Variants in EHD4 observed in about 807,000 individuals in gnomAD.
EHD4 encodes EH domain containing 4.
A neutral mutation model predicts 51.0 loss-of-function variants in EHD4; 37 were observed. That is an observed-to-expected ratio of 0.73 (90% CI 0.56 to 0.95). The LOEUF (loss-of-function observed/expected upper bound fraction) is 0.95, where lower values mean the gene tolerates loss of function less well. Among genes scored for constraint, EHD4 ranks in the 40% least tolerant of loss-of-function variants. EHD4 has a pLI of 0.00. For missense variants in EHD4, 632 were observed against 733.1 expected, an observed-to-expected ratio of 0.86 and a Z score of 1.59; for synonymous variants, 297 against 317.3, an observed-to-expected ratio of 0.94 and a Z score of 0.68.
intron 1 of EHD4, among the ~76,000 whole-genome samples, chr15:41,964,062 G>A (rs1410141082): frequency 6.8e-6 from 1 of 146,850 alleles, no homozygotes; most frequent in African/African-American, 2.5e-5. Context: ...GGAGAATGGC[G>A]TGAACCTGGG....
intron 5 of EHD4, 68 bp from the exon 6 acceptor site, chr15:41,901,249 T>C: frequency 6.8e-7 from 1 of 1,478,168 alleles, no homozygotes; most frequent in Non-Finnish European, 9.0e-7. Context: ...TGGGGGCCAC[T>C]GGAGGGAGAC....
At position 41,909,679 on chromosome 15, in the gene EHD4, T is replaced by C; in HGVS notation, c.1089+20A>G. 1 of 1,613,608 alleles carries C rather than the reference T, an allele frequency of 6.2e-7. No homozygotes were observed. The highest frequency in any genetic ancestry group is 1.7e-5 in the Admixed American group (1 of 60,022). On this transcript the variant is annotated intron_variant, in intron 5 of 5. Transcript: ENST00000220325. ...GCACCTCTGCCCTCTGCCCGTGACA[T>C]TGTAGTGGGCTCCCAGTACCTGCAT...
chr15:41,945,132 G>A (rs1349370431), intron 2 of EHD4, among the ~76,000 whole-genome samples: 1 of 152,180 alleles, frequency 6.6e-6, no homozygotes, highest in Non-Finnish European at 1.5e-5. Flanking sequence ...TCCATCAGAT[G>A]GCCCGAGACA....
At chr15:41,936,482 G>C (rs1311049921) in intron 3 of EHD4, among the ~76,000 whole-genome samples, 1 of 152,148 alleles carries the variant, frequency 6.6e-6, no homozygotes, top group African/African-American at 2.4e-5. Flanking sequence ...AAAGAGTAAG[G>C]AGCAAATGTT....
intron 3 of EHD4, among the ~76,000 whole-genome samples, chr15:41,929,128 T>C (rs1322502450): frequency 6.6e-6 from 1 of 152,192 alleles, no homozygotes; most frequent in Non-Finnish European, 1.5e-5. Flanking sequence ...CCTACCAAAA[T>C]TTAAATAAAA....
At chr15:41,905,712 C>T (rs2067507891) in intron 5 of EHD4, among the ~76,000 whole-genome samples, 1 of 152,164 alleles carries the variant, frequency 6.6e-6, no homozygotes, top group African/African-American at 2.4e-5. Context: ...CCTCTGTCGC[C>T]CAGGCTGGAG....
At chr15:41,958,026 C>G (rs1176067692) in intron 1 of EHD4, among the ~76,000 whole-genome samples, 1 of 152,002 alleles carries the variant, frequency 6.6e-6, no homozygotes, top group Non-Finnish European at 1.5e-5. Context: ...CTGTGTTAGA[C>G]ATTTCTCACG....
chr15:41,914,785 ATTTTTT>A (rs10713712), intron 4 of EHD4, among the ~76,000 whole-genome samples: 3 of 126,518 alleles, frequency 2.4e-5, no homozygotes, highest in Non-Finnish European at 5.2e-5. Flanking sequence ...TTACAGGAGA[ATTTTTT>A]TTTTTTTTTT....
At position 41,918,787 on chromosome 15, in the gene EHD4, T is replaced by C. The variant is rs2067602602; in HGVS notation, c.924+423A>G. Among the ~76,000 whole-genome samples the C allele has an allele frequency of 3.9e-5, 6 of 152,260 alleles. No homozygotes were observed. The South Asian group carries it at 1.2e-3, about 31-fold the overall frequency. ...GTGCACGGGGACTAGCAGTGGCCTC[T>C]CAGCATCCTGTTGGTCTCACCAATG... On this transcript the variant is annotated intron_variant, in intron 4 of 5. Coordinates refer to ENST00000220325, the MANE Select transcript of EHD4 (RefSeq NM_139265.4).
Position 41,899,185 on chromosome 15 carries a change from TA to T in EHD4, c.*1459del, listed in dbSNP as rs1248767762. ...TTGCTGTTTCGTGTCTCTTCCTGCA[TA>T]AATAATGCAGAGAGGCCATGCAGGT... On this transcript the variant is annotated 3_prime_UTR_variant, in exon 6 of 6. Transcript: ENST00000220325. The T allele has an allele frequency of 6.6e-6, 1 of 152,200 alleles. No individual in the cohort carries two copies. Among genetic ancestry groups the T allele is most frequent in the African/African-American group, 2.4e-5 (1 of 41,450 alleles). The allele number at this position is 152,200 out of a possible 1,614,324, so 9.4% of individuals were successfully genotyped here.
chr15:41,902,543 T>G (rs569586462), intron 5 of EHD4, among the ~76,000 whole-genome samples: 8 of 152,202 alleles, frequency 5.3e-5, no homozygotes, highest in Non-Finnish European at 1.0e-4. Flanking sequence ...AAAAAAGGAC[T>G]TGACATAACA....
Position 41,942,009 on chromosome 15 carries a change from G to A in EHD4, c.511+1058C>T, listed in dbSNP as rs550566285. 3 of 152,366 alleles carry A rather than the reference G, an allele frequency of 2.0e-5. No individual in the cohort carries two copies. The East Asian group carries it at 5.8e-4, about 29-fold the overall frequency. The allele number at this position is 152,366 out of a possible 1,614,324, so 9.4% of individuals were successfully genotyped here. The stretch of plus-strand genomic sequence containing the variant: ...TTCAAGGGGTTGTGAAGAGTTCTCA[G>A]CCAGAAGTGATGGCAGCGATGCATC... On this transcript the variant is annotated intron_variant, in intron 3 of 5. Transcript: ENST00000220325.
rs1368855847 is a variant in EHD4 at position 41,899,170 on chromosome 15, G to A, written c.*1475C>T. ...CATACCATGTGGCCATTGCTGTTTCGTGTCTCTTCCTGCATAAATAATGCA... is the reference window on the plus strand; with the variant it reads ...CATACCATGTGGCCATTGCTGTTTCATGTCTCTTCCTGCATAAATAATGCA... On this transcript the variant is annotated 3_prime_UTR_variant, in exon 6 of 6. Transcript: ENST00000220325. The A allele has an allele frequency of 5.9e-5, 9 of 152,142 alleles. No homozygotes were observed. Among genetic ancestry groups the A allele is most frequent in the Admixed American group, 2.6e-4 (4 of 15,280 alleles). 9.4% of individuals were successfully genotyped at this position (152,142 alleles called of 1,614,324 possible).
intron 3 of EHD4, among the ~76,000 whole-genome samples, chr15:41,923,925 G>A (rs1413492978): frequency 1.3e-5 from 2 of 152,222 alleles, no homozygotes; most frequent in Admixed American, 1.3e-4. Flanking sequence ...GGTCTAGACT[G>A]AGCCTAGAAA....
intron 4 of EHD4, among the ~76,000 whole-genome samples, chr15:41,914,559 C>A (rs376014693): frequency 6.6e-6 from 1 of 152,114 alleles, no homozygotes; most frequent in African/African-American, 2.4e-5. Context: ...GGGGGCTGCA[C>A]ACTTGTCTGA....
At chr15:41,960,628 T>C (rs1244221636) in intron 1 of EHD4, among the ~76,000 whole-genome samples, 1 of 152,126 alleles carries the variant, frequency 6.6e-6, no homozygotes, top group African/African-American at 2.4e-5. Flanking sequence ...AAAAGTCTCC[T>C]TTGAATTACT....
chr15:41,941,013 C>T (rs11070354), intron 3 of EHD4, among the ~76,000 whole-genome samples: 67,574 of 152,008 alleles, frequency 0.44, 16,207 homozygotes, highest in East Asian at 0.56. Context: ...CAGTGAAACA[C>T]GGGCAGCTCA....
chr15:41,937,628 A>G (rs1421089703), intron 3 of EHD4, among the ~76,000 whole-genome samples: 2 of 152,228 alleles, frequency 1.3e-5, no homozygotes, highest in Non-Finnish European at 2.9e-5. Flanking sequence ...CCTTCTTGTT[A>G]CCAAAGCCTG....
intron 1 of EHD4, among the ~76,000 whole-genome samples, chr15:41,959,894 T>C (rs1425661026): frequency 6.8e-6 from 1 of 146,914 alleles, no homozygotes; most frequent in Non-Finnish European, 1.5e-5. Flanking sequence ...TGCTTGAACC[T>C]GGGAGGCGGA....
Sources: allele counts gnomAD v4.1 joint callset (sites outside exome capture counted in the v4.1 genomes callset), GRCh38; gene constraint gnomAD v4.1.1; transcripts MANE v1.5; gene names NCBI Gene and HGNC (gene_info 2026-07-23, HGNC 2026-07-21).